INPP4B: variants seen among roughly 807,000 people sequenced by gnomAD.
INPP4B encodes the protein inositol polyphosphate-4-phosphatase type II B, also known as inositol polyphosphate 4-phosphatase type II.
In INPP4B, 55 loss-of-function variants were observed where a neutral mutation model predicts 122.5. The ratio of observed to expected loss-of-function variants is 0.45; its 90% CI spans 0.36 to 0.56. The LOEUF is 0.56. Ranked by LOEUF, INPP4B falls within the 20% of genes least tolerant of loss-of-function variation. The pLI is 0.00. For missense variants in INPP4B, 1,000 were observed against 1,097.7 expected, an observed-to-expected ratio of 0.91 and a Z score of 1.26; for synonymous variants, 403 against 388.7, an observed-to-expected ratio of 1.04 and a Z score of -0.43.
At chr4:142,575,996 C>T (rs1274635688) in intron 2 of INPP4B, among the ~76,000 whole-genome samples, 2 of 152,052 alleles carry the variant, frequency 1.3e-5, no homozygotes, top group East Asian at 1.9e-4. Context: ...GTTACAAATA[C>T]ACCACGTTGT....
intron 7 of INPP4B, among the ~76,000 whole-genome samples, chr4:142,344,499 T>A (rs574775480): frequency 6.6e-6 from 1 of 151,996 alleles, no homozygotes; most frequent in African/African-American, 2.4e-5. Context: ...TATACTCCTA[T>A]AAGGTGTAAA....
intron 2 of INPP4B, among the ~76,000 whole-genome samples, chr4:142,578,564 A>G (rs1734333548): frequency 6.6e-6 from 1 of 151,902 alleles, no homozygotes; most frequent in Non-Finnish European, 1.5e-5. Context: ...GTGAGCACAG[A>G]CATCCCTGGT....
At chr4:142,260,653 G>A (rs979860184) in intron 10 of INPP4B, 89 bp from the exon 11 acceptor site, 1 of 837,308 alleles carries the variant, frequency 1.2e-6, no homozygotes, top group African/African-American at 1.8e-5. Context: ...ATAAGGCTAT[G>A]TACATGGTTT....
intron 2 of INPP4B, among the ~76,000 whole-genome samples, chr4:142,629,958 TC>T (rs1332252494): frequency 6.6e-6 from 1 of 152,054 alleles, no homozygotes; most frequent in Non-Finnish European, 1.5e-5. Context: ...ACAGTGATGA[TC>T]CAAAGACAGG....
intron 23 of INPP4B, among the ~76,000 whole-genome samples, chr4:142,091,018 T>C (rs184649354): frequency 2.0e-5 from 3 of 152,222 alleles, no homozygotes; most frequent in Admixed American, 2.0e-4. Flanking sequence ...GATACATAAA[T>C]ATAGAGTAAA....
At chr4:142,685,351 T>C (rs1263262023) in intron 2 of INPP4B, among the ~76,000 whole-genome samples, 1 of 152,038 alleles carries the variant, frequency 6.6e-6, no homozygotes, top group Non-Finnish European at 1.5e-5. Context: ...TAATCCTTCA[T>C]TGGGGAGACA....
At chr4:142,751,001 C>T (rs1031049349) in intron 1 of INPP4B, among the ~76,000 whole-genome samples, 2 of 151,706 alleles carry the variant, frequency 1.3e-5, no homozygotes, top group African/African-American at 4.8e-5. Context: ...ATACAGTATG[C>T]AAAAGAACTA....
At chr4:142,346,429 A>T (rs882032) in intron 7 of INPP4B, among the ~76,000 whole-genome samples, 64,366 of 151,906 alleles carry the variant, frequency 0.42, 14,315 homozygotes, top group Non-Finnish European at 0.51. Flanking sequence ...TGAAATAACA[A>T]GAAATAAGAG....
intron 18 of INPP4B, among the ~76,000 whole-genome samples, chr4:142,129,283 G>A (rs745748221): frequency 6.6e-6 from 1 of 152,052 alleles, no homozygotes; most frequent in Non-Finnish European, 1.5e-5. Context: ...AATGGTGACC[G>A]GTTCATGGTT....
chr4:142,349,912 C>G (rs1438574096), intron 7 of INPP4B, among the ~76,000 whole-genome samples: 2 of 151,164 alleles, frequency 1.3e-5, no homozygotes, highest in Non-Finnish European at 3.0e-5. Flanking sequence ...AAAAATCCAT[C>G]ATTACTGCCA....
chr4:142,146,930 A>G (rs1210289402), intron 17 of INPP4B, among the ~76,000 whole-genome samples: 2 of 152,182 alleles, frequency 1.3e-5, no homozygotes, highest in Non-Finnish European at 2.9e-5. Context: ...AAGGTAATGC[A>G]TGCAACTTAA....
intron 2 of INPP4B, among the ~76,000 whole-genome samples, chr4:142,653,776 T>A (rs1354444688): frequency 6.6e-6 from 1 of 152,188 alleles, no homozygotes; most frequent in East Asian, 1.9e-4. Context: ...TTGGTGGGAG[T>A]GTAAATTAGT....
intron 2 of INPP4B, among the ~76,000 whole-genome samples, chr4:142,577,608 C>A (rs1734131461): frequency 6.6e-6 from 1 of 151,984 alleles, no homozygotes; most frequent in African/African-American, 2.4e-5. Flanking sequence ...CCAGCCTTAT[C>A]ATTTACCAGT....
rs150962860 is a variant in INPP4B at position 142,620,598 on chromosome 4, C to T, written c.-191+105241G>A. Among the ~76,000 whole-genome samples, 17 of 151,792 alleles carry T rather than the reference C, an allele frequency of 1.1e-4. No homozygotes were observed. In the East Asian group the frequency reaches 2.3e-3, roughly 21 times the overall value. On this transcript the variant is annotated intron_variant, in intron 2 of 25. Transcript: ENST00000262992. ...GATGAAATAGTATGTACAACAAACC[C>T]GCATGACATGCAATTTATCTGCAGA...
At chr4:142,154,181 T>C (rs1353040542) in intron 17 of INPP4B, among the ~76,000 whole-genome samples, 3 of 151,468 alleles carry the variant, frequency 2.0e-5, no homozygotes, top group African/African-American at 4.9e-5. Flanking sequence ...AACAGAACCA[T>C]ACAACCCTAT....
At chr4:142,394,353 G>A (rs1225166144) in intron 7 of INPP4B, among the ~76,000 whole-genome samples, 1 of 152,082 alleles carries the variant, frequency 6.6e-6, no homozygotes, top group Non-Finnish European at 1.5e-5. Flanking sequence ...CACCGTGTTA[G>A]CCAGGATGGT....
intron 2 of INPP4B, among the ~76,000 whole-genome samples, chr4:142,558,536 A>G (rs1432696036): frequency 6.6e-6 from 1 of 152,148 alleles, no homozygotes. Flanking sequence ...AAGAAATTCT[A>G]TAATCCATAG....
intron 1 of INPP4B, among the ~76,000 whole-genome samples, chr4:142,801,373 G>T (rs1777990047): frequency 6.6e-6 from 1 of 152,160 alleles, no homozygotes; most frequent in Non-Finnish European, 1.5e-5. Flanking sequence ...GTTAAAATGA[G>T]GCCATCAGGG....
At position 142,462,736 on chromosome 4, in the gene INPP4B, A is replaced by T. The variant is rs1329427825; in HGVS notation, c.-190-10T>A. 1 of 152,222 alleles carries T rather than the reference A, an allele frequency of 6.6e-6. No individual in the cohort carries two copies. Among genetic ancestry groups the T allele is most frequent in the East Asian group, 1.9e-4 (1 of 5,190 alleles). The allele number at this position is 152,222 out of a possible 1,614,324, so 9.4% of individuals were successfully genotyped here. On this transcript the variant is annotated splice_polypyrimidine_tract_variant and intron_variant, in intron 2 of 25. Coordinates refer to ENST00000262992, the MANE Select transcript of INPP4B (RefSeq NM_001101669.3). Reference sequence around the variant, plus strand: ...CGCTGGTTTCAAGGCTCTGCAAAAAACAAAATGGAAAGAAGTCAGGATTTA... The same window carrying T: ...CGCTGGTTTCAAGGCTCTGCAAAAATCAAAATGGAAAGAAGTCAGGATTTA...
Sources: allele counts gnomAD v4.1 joint callset (sites outside exome capture counted in the v4.1 genomes callset), GRCh38; gene constraint gnomAD v4.1.1; transcripts MANE v1.5; gene names NCBI Gene and HGNC (gene_info 2026-07-23, HGNC 2026-07-21).